The following DOCK7 variants were observed in gnomAD, a reference collection of about 807,000 sequenced individuals.
DOCK7 encodes dedicator of cytokinesis 7, also known as dedicator of cytokinesis protein 7.
A neutral mutation model predicts 271.0 loss-of-function variants in DOCK7; 138 were observed. The observed-to-expected ratio is 0.51, with a 90% CI of 0.44 to 0.59. The LOEUF (loss-of-function observed/expected upper bound fraction) is 0.59. Among genes scored for constraint, DOCK7 ranks in the 20% least tolerant of loss-of-function variants. The pLI is 0.00. For synonymous variants in DOCK7, 823 were observed against 876.1 expected, an observed-to-expected ratio of 0.94 and a Z score of 1.07; for missense variants, 2,066 against 2,592.4, an observed-to-expected ratio of 0.80 and a Z score of 4.41.
At chr1:62,601,621 C>A in intron 14 of DOCK7, 1 of 572,632 alleles carries the variant, frequency 1.7e-6, no homozygotes, top group Middle Eastern at 4.5e-4. Flanking sequence ...TTAAATAACA[C>A]GCCATCTAAG....
At chr1:62,567,735 G>A (rs1172788296) in intron 18 of DOCK7, among the ~76,000 whole-genome samples, 1 of 149,600 alleles carries the variant, frequency 6.7e-6, no homozygotes, top group Non-Finnish European at 1.5e-5. Flanking sequence ...CATCTCTGAG[G>A]CAAAAAATAA....
At chr1:62,572,710 A>T (rs1033098705) in intron 18 of DOCK7, among the ~76,000 whole-genome samples, 1 of 151,998 alleles carries the variant, frequency 6.6e-6, no homozygotes, top group Non-Finnish European at 1.5e-5. Flanking sequence ...CACCCTTATA[A>T]CCTTGTCTAA....
intron 14 of DOCK7, among the ~76,000 whole-genome samples, chr1:62,603,578 A>C (rs541928935): frequency 2.6e-5 from 4 of 151,820 alleles, no homozygotes; most frequent in Non-Finnish European, 5.9e-5. Flanking sequence ...AGGAATACTT[A>C]ACACATCTCT....
chr1:62,515,805 T>C (rs934862783), intron 31 of DOCK7, among the ~76,000 whole-genome samples: 2 of 152,206 alleles, frequency 1.3e-5, no homozygotes, highest in African/African-American at 2.4e-5. Context: ...AGCAGGGAGA[T>C]GAATGTGTTC....
chr1:62,510,850 C>T (rs1025927511), intron 33 of DOCK7, 177 bp from the exon 34 acceptor site: 1 of 509,040 alleles, frequency 2.0e-6, no homozygotes, highest in Admixed American at 3.6e-5. Flanking sequence ...ACAATAATTT[C>T]AGAAGAAATG....
At chr1:62,604,837 G>A in intron 14 of DOCK7, 2 of 1,606,208 alleles carry the variant, frequency 1.2e-6, no homozygotes, top group Non-Finnish European at 1.7e-6. Flanking sequence ...AATTTAAAAG[G>A]CAATAATTTA....
chr1:62,533,224 C>T (rs992624302), intron 29 of DOCK7, among the ~76,000 whole-genome samples: 1 of 151,990 alleles, frequency 6.6e-6, no homozygotes, highest in African/African-American at 2.4e-5. Context: ...TATCTTTCTT[C>T]CAATTTTGAA....
chr1:62,579,173 C>T (rs1305929652), intron 16 of DOCK7, among the ~76,000 whole-genome samples: 1 of 152,020 alleles, frequency 6.6e-6, no homozygotes, highest in Non-Finnish European at 1.5e-5. Flanking sequence ...TTTCTCATCC[C>T]AATTTTCTTA....
chr1:62,668,069 G>A (rs1162766634), intron 1 of DOCK7, among the ~76,000 whole-genome samples: 2 of 151,940 alleles, frequency 1.3e-5, no homozygotes, highest in African/African-American at 4.8e-5. Flanking sequence ...GAAAACAACA[G>A]ACTAAAGAAA....
In DOCK7 at chr1:62,626,334, G is replaced by A. The variant is rs932105748; in HGVS notation, c.1283-933C>T. The stretch of plus-strand genomic sequence containing the variant: ...CAACAAACTACAAACTACAAAAGAA[G>A]AGAAAAAAAATCCGAAACCAGCAGA... On this transcript the variant is annotated intron_variant, in intron 11 of 49. Coordinates refer to ENST00000635253, the MANE Select transcript of DOCK7 (RefSeq NM_001367561.1). Among the ~76,000 whole-genome samples the A allele has an allele frequency of 2.6e-5, 4 of 150,952 alleles. No individual in the cohort carries two copies. The East Asian group carries it at 7.7e-4, about 29-fold the overall frequency.
intron 14 of DOCK7, among the ~76,000 whole-genome samples, chr1:62,611,935 A>C (rs1358974985): frequency 6.6e-6 from 1 of 151,684 alleles, no homozygotes; most frequent in Non-Finnish European, 1.5e-5. Context: ...ACCTGAGGTC[A>C]GGAGTTCGAG....
intron 11 of DOCK7, among the ~76,000 whole-genome samples, chr1:62,626,947 T>C (rs1255665079): frequency 6.6e-6 from 1 of 151,966 alleles, no homozygotes; most frequent in Non-Finnish European, 1.5e-5. Context: ...AAAGAAAAAC[T>C]ACAGACTAAT....
intron 14 of DOCK7, among the ~76,000 whole-genome samples, chr1:62,596,404 C>T (rs546991207): frequency 3.9e-5 from 6 of 152,264 alleles, no homozygotes; most frequent in African/African-American, 1.4e-4. Flanking sequence ...TATTTTCTCA[C>T]AAATTTCTTA....
intron 1 of DOCK7, among the ~76,000 whole-genome samples, chr1:62,686,157 CTTTTTT>C (rs1161312915): frequency 0.053 from 221 of 4,208 alleles, 101 homozygotes; most frequent in Non-Finnish European, 0.059. Context: ...CAAGTAATAA[CTTTTTT>C]TTTTTTTTTT....
chr1:62,602,334 C>A (rs753987292), intron 14 of DOCK7: 1 of 1,610,874 alleles, frequency 6.2e-7, no homozygotes, highest in Non-Finnish European at 8.5e-7. Flanking sequence ...CACAAAACTT[C>A]AATGAAACGT....
intron 7 of DOCK7, chr1:62,641,216 T>C (rs1655981845): frequency 2.1e-5 from 8 of 386,862 alleles, no homozygotes; most frequent in South Asian, 1.6e-4. Context: ...GAGCTGTCTT[T>C]TCTTCCAGTA....
At chr1:62,514,146 AG>A (rs1644588433) in intron 31 of DOCK7, among the ~76,000 whole-genome samples, 1 of 152,162 alleles carries the variant, frequency 6.6e-6, no homozygotes. Context: ...GACTGCCAGC[AG>A]GGGATAAATA....
intron 48 of DOCK7, among the ~76,000 whole-genome samples, chr1:62,470,120 CAT>C (rs1306040263): frequency 1.3e-5 from 2 of 152,288 alleles, no homozygotes; most frequent in East Asian, 3.9e-4. Flanking sequence ...CTTGCACACA[CAT>C]ATTTATAGCA....
intron 14 of DOCK7, chr1:62,603,928 G>T: frequency 6.3e-7 from 1 of 1,598,350 alleles, no homozygotes; most frequent in Non-Finnish European, 8.6e-7. Context: ...TGTCCAACCT[G>T]TACTTAATAA....
Sources: allele counts gnomAD v4.1 joint callset (sites outside exome capture counted in the v4.1 genomes callset), GRCh38; gene constraint gnomAD v4.1.1; transcripts MANE v1.5; gene names NCBI Gene and HGNC (gene_info 2026-07-23, HGNC 2026-07-21).